The following MAGI3 variants were observed in gnomAD, a reference collection of about 807,000 sequenced individuals.
MAGI3 encodes membrane associated guanylate kinase, WW and PDZ domain containing 3, also known as membrane-associated guanylate kinase, WW and PDZ domain-containing protein 3.
Under a neutral mutation model 121.8 loss-of-function variants are expected in MAGI3, and 43 were observed. The observed-to-expected ratio is 0.35, with a 90% CI of 0.28 to 0.46. The LOEUF is 0.46. Ranked by LOEUF, MAGI3 falls within the 20% of genes least tolerant of loss-of-function variation. The pLI, the probability that MAGI3 is intolerant of heterozygous loss-of-function variation, is 1.00. For synonymous variants in MAGI3, 553 were observed against 639.3 expected, an observed-to-expected ratio of 0.86 and a Z score of 2.04; for missense variants, 1,547 against 1,797.3, an observed-to-expected ratio of 0.86 and a Z score of 2.52.
chr1:113,513,684 A>G (rs934356889), intron 1 of MAGI3, among the ~76,000 whole-genome samples: 2 of 152,140 alleles, frequency 1.3e-5, no homozygotes, highest in African/African-American at 2.4e-5. Flanking sequence ...CTAGAAGAAA[A>G]CCTAGGCATT....
At chr1:113,474,354 A>G (rs74494268) in intron 1 of MAGI3, among the ~76,000 whole-genome samples, 83,158 of 152,018 alleles carry the variant, frequency 0.55, 24,105 homozygotes, top group African/African-American at 0.73. Context: ...TATGTTATGA[A>G]TGGTATTGCC....
chr1:113,606,390 T>C (rs1649775777), intron 6 of MAGI3, among the ~76,000 whole-genome samples: 1 of 152,178 alleles, frequency 6.6e-6, no homozygotes, highest in Admixed American at 6.5e-5. Flanking sequence ...TACTATAGAA[T>C]TTGACTTTTT....
At chr1:113,431,391 G>A (rs1030609099) in intron 1 of MAGI3, among the ~76,000 whole-genome samples, 1 of 152,050 alleles carries the variant, frequency 6.6e-6, no homozygotes, top group African/African-American at 2.4e-5. Context: ...GTTGGAAATT[G>A]TAGCCAGTGT....
At chr1:113,588,614 A>G (rs188117960) in intron 4 of MAGI3, among the ~76,000 whole-genome samples, 1 of 152,280 alleles carries the variant, frequency 6.6e-6, no homozygotes, top group African/African-American at 2.4e-5. Context: ...TGGGCAAAAT[A>G]CCCTAACTGG....
chr1:113,633,171 G>A (rs2101805813), intron 9 of MAGI3, among the ~76,000 whole-genome samples: 1 of 128,656 alleles, frequency 7.8e-6, no homozygotes, highest in South Asian at 2.5e-4. Flanking sequence ...TTTTGTTCTT[G>A]TGATATTTTA....
chr1:113,636,759 C>T (rs1652053688), intron 9 of MAGI3, among the ~76,000 whole-genome samples: 1 of 151,854 alleles, frequency 6.6e-6, no homozygotes, highest in Admixed American at 6.6e-5. Flanking sequence ...TGGTGCAGAG[C>T]TGAGTTCAAT....
rs184131718 is a variant in MAGI3, at chr1:113,598,898, C to G, written c.1018+4338C>G. On this transcript the variant is annotated intron_variant, in intron 6 of 20. Coordinates refer to ENST00000307546, the MANE Select transcript of MAGI3 (RefSeq NM_001142782.2). ...TCTTCTCATCAGCACATGGAACCTT[C>G]TGCAAAGTAGACCATATGATAGGCC... Among the ~76,000 whole-genome samples, 17 of 152,304 alleles carry G rather than the reference C, an allele frequency of 1.1e-4. No homozygotes were observed. In the East Asian group the frequency reaches 2.3e-3, roughly 21 times the overall value.
chr1:113,432,399 A>G (rs1653344492), intron 1 of MAGI3, among the ~76,000 whole-genome samples: 1 of 152,190 alleles, frequency 6.6e-6, no homozygotes, highest in Admixed American at 6.6e-5. Context: ...TTAACCAGGT[A>G]GTTTGGCTCC....
intron 1 of MAGI3, among the ~76,000 whole-genome samples, chr1:113,442,832 C>T (rs1653986630): frequency 6.6e-6 from 1 of 152,014 alleles, no homozygotes; most frequent in Admixed American, 6.6e-5. Context: ...CTCACAGCTG[C>T]TAGTTTTGTC....
chr1:113,613,332 C>T (rs1174245029), intron 6 of MAGI3, among the ~76,000 whole-genome samples: 2 of 152,096 alleles, frequency 1.3e-5, no homozygotes, highest in Non-Finnish European at 2.9e-5. Context: ...AACTTTGAAA[C>T]CACCAATCAA....
chr1:113,647,768 C>T (rs958722375), intron 12 of MAGI3, among the ~76,000 whole-genome samples: 6 of 152,144 alleles, frequency 3.9e-5, no homozygotes, highest in East Asian at 1.9e-4. Flanking sequence ...ACCAGTTGTA[C>T]GCCCAGCAAA....
At chr1:113,466,466 A>G (rs1405701651) in intron 1 of MAGI3, among the ~76,000 whole-genome samples, 2 of 151,858 alleles carry the variant, frequency 1.3e-5, no homozygotes, top group East Asian at 3.9e-4. Context: ...TTGTGTCCTT[A>G]TCTGTTTTTG....
chr1:113,416,018 T>G (rs1652289623), intron 1 of MAGI3, among the ~76,000 whole-genome samples: 1 of 149,190 alleles, frequency 6.7e-6, no homozygotes, highest in Non-Finnish European at 1.5e-5. Flanking sequence ...ATATTAATTA[T>G]GTAATTAATG....
chr1:113,615,582 G>A (rs936434356), intron 7 of MAGI3, among the ~76,000 whole-genome samples: 1 of 152,170 alleles, frequency 6.6e-6, no homozygotes, highest in Non-Finnish European at 1.5e-5. Context: ...TCTGACTCCT[G>A]TTGCAACTGT....
Position 113,685,143 on chromosome 1 carries a change from T to A in MAGI3, c.*1129T>A, listed in dbSNP as rs1417869405. 6.6e-6 allele frequency: 1 copy of A among 152,372 alleles called. No homozygotes were observed. The highest frequency in any genetic ancestry group is 1.5e-5 in the Non-Finnish European group (1 of 68,040). 9.4% of individuals were successfully genotyped at this position (152,372 alleles called of 1,614,324 possible). The stretch of plus-strand genomic sequence containing the variant: ...GGATCTTATTTAACTTTTAGCTACA[T>A]TAACTAACTTTCTTATTTAAAAACA... On this transcript the variant is annotated 3_prime_UTR_variant, in exon 21 of 21. Coordinates refer to ENST00000307546, the MANE Select transcript of MAGI3 (RefSeq NM_001142782.2).
chr1:113,507,665 G>C (rs985053844), intron 1 of MAGI3, among the ~76,000 whole-genome samples: 2 of 152,110 alleles, frequency 1.3e-5, no homozygotes, highest in Non-Finnish European at 2.9e-5. Context: ...ACAGAATATG[G>C]TCATTGTATT....
At chr1:113,669,302 G>A (rs768635190) in intron 16 of MAGI3, among the ~76,000 whole-genome samples, 12 of 152,224 alleles carry the variant, frequency 7.9e-5, no homozygotes, top group Non-Finnish European at 1.5e-4. Flanking sequence ...AGATAACTGA[G>A]ATGTGATTCT....
intron 9 of MAGI3, among the ~76,000 whole-genome samples, chr1:113,639,805 T>C (rs1474420976): frequency 6.6e-6 from 1 of 152,150 alleles, no homozygotes; most frequent in African/African-American, 2.4e-5. Context: ...TGACCTCAGG[T>C]GATCCACCTG....
chr1:113,490,868 A>T (rs1656636246), intron 1 of MAGI3, among the ~76,000 whole-genome samples: 1 of 152,220 alleles, frequency 6.6e-6, no homozygotes, highest in Non-Finnish European at 1.5e-5. Context: ...CCAACACAGG[A>T]TCACTCAGAT....
Sources: gnomAD v4.1 joint callset for allele counts (sites outside exome capture counted in the v4.1 genomes callset) on GRCh38, gnomAD v4.1.1 for gene constraint, MANE v1.5 for transcripts, NCBI Gene and HGNC (gene_info 2026-07-23, HGNC 2026-07-21) for gene names.